The following MAML3 variants were observed in gnomAD, a reference collection of about 807,000 sequenced individuals.
MAML3 encodes mastermind-like protein 3.
Under a neutral mutation model 101.9 loss-of-function variants are expected in MAML3, and 27 were observed. That is an observed-to-expected ratio of 0.27 (90% CI 0.20 to 0.37). The LOEUF is 0.37. Ranked by LOEUF, MAML3 falls within the 10% of genes least tolerant of loss-of-function variation. The probability of loss-of-function intolerance (pLI) is 1.00; values close to 1 mark genes in which losing one functional copy is unlikely to be tolerated. For missense variants in MAML3, 1,316 were observed against 1,444.9 expected (o/e 0.91, Z 1.45); for synonymous variants, 501 against 555.9 (o/e 0.90, Z 1.39).
chr4:139,801,370 A>C (rs984498481), intron 2 of MAML3, among the ~76,000 whole-genome samples: 4 of 152,216 alleles, frequency 2.6e-5, no homozygotes, highest in African/African-American at 9.6e-5. Context: ...TTTGTTTTCT[A>C]AAACTGCCAA....
intron 2 of MAML3, among the ~76,000 whole-genome samples, chr4:139,809,284 T>C (rs1484595963): frequency 6.6e-6 from 1 of 152,194 alleles, no homozygotes; most frequent in Non-Finnish European, 1.5e-5. Flanking sequence ...AAGGGAAACA[T>C]TTTTAAATGG....
chr4:139,946,925 A>ACT (rs869076388), intron 1 of MAML3, among the ~76,000 whole-genome samples: 2,553 of 68,064 alleles, frequency 0.038, 24 homozygotes, highest in Middle Eastern at 0.048. Flanking sequence ...ACACACACAC[A>ACT]CTCTCTCTCT....
Position 139,889,888 on chromosome 4 carries a change from T to A in MAML3, c.1548A>T (p.Ser516=). Residue 516 remains serine, a synonymous_variant, in exon 2 of 5, where the codon TCA becomes TCT. Transcript: ENST00000509479. ...AGGGAGGTCCTAAGGGAGACCAATT[T>A]GAAGTCTGATTTGAGTGCTGTTGCT... ...QQQQQHSNQT[S]NWSPLGPPSS... 1 of 1,612,864 alleles carries A rather than the reference T, an allele frequency of 6.2e-7. No homozygotes were observed. The highest frequency in any genetic ancestry group is 8.5e-7 in the Non-Finnish European group (1 of 1,179,714).
chr4:139,921,187 A>T (rs1733124176), intron 1 of MAML3, among the ~76,000 whole-genome samples: 1 of 152,158 alleles, frequency 6.6e-6, no homozygotes, highest in Non-Finnish European at 1.5e-5. Flanking sequence ...ATCTGGAGCT[A>T]GCCTATCTAC....
At chr4:139,827,326 G>A (rs1284612169) in intron 2 of MAML3, among the ~76,000 whole-genome samples, 3 of 152,194 alleles carry the variant, frequency 2.0e-5, no homozygotes, top group Non-Finnish European at 4.4e-5. Flanking sequence ...TCTCAGCAAT[G>A]CCATTCACCA....
chr4:140,038,927 C>T lies in MAML3; in HGVS notation c.468+113933G>A, dbSNP rs867739162. Among the ~76,000 whole-genome samples, 7 of 151,990 alleles carry T rather than the reference C, an allele frequency of 4.6e-5. No homozygotes were observed. The South Asian group carries it at 1.5e-3, about 32-fold the overall frequency. On this transcript the variant is annotated intron_variant, in intron 1 of 4. Coordinates refer to ENST00000509479, the MANE Select transcript of MAML3 (RefSeq NM_018717.5). ...GGGCAGATCACGAGGTCAGGAGATCCGAGACCATCCTGGCTAACACGGGCT... is the reference window on the plus strand; with the variant it reads ...GGGCAGATCACGAGGTCAGGAGATCTGAGACCATCCTGGCTAACACGGGCT...
intron 1 of MAML3, among the ~76,000 whole-genome samples, chr4:139,973,812 G>T (rs1422736803): frequency 1.3e-5 from 2 of 152,122 alleles, no homozygotes; most frequent in Non-Finnish European, 2.9e-5. Flanking sequence ...CACTTGCTTT[G>T]ATAAATCTTG....
intron 1 of MAML3, among the ~76,000 whole-genome samples, chr4:140,109,649 T>A (rs559725411): frequency 1.3e-5 from 2 of 152,238 alleles, no homozygotes; most frequent in African/African-American, 4.8e-5. Flanking sequence ...CTAGAGCTTA[T>A]AACAGAAAGC....
intron 1 of MAML3, among the ~76,000 whole-genome samples, chr4:140,041,104 T>C (rs578208787): frequency 1.3e-5 from 2 of 152,248 alleles, no homozygotes; most frequent in South Asian, 2.1e-4. Context: ...TTCTTTTATA[T>C]AGATGGGAGT....
chr4:139,909,044 T>C, intron 1 of MAML3, among the ~76,000 whole-genome samples: 1 of 152,234 alleles, frequency 6.6e-6, no homozygotes, highest in East Asian at 1.9e-4. Context: ...TAGTGTTGTC[T>C]AGTAGTTAGA....
intron 3 of MAML3, among the ~76,000 whole-genome samples, chr4:139,729,156 C>A (rs887854094): frequency 4.5e-3 from 370 of 81,638 alleles, no homozygotes; most frequent in Non-Finnish European, 5.2e-3. Flanking sequence ...GGAACAAAAG[C>A]AAAAAAAAAA....
At chr4:139,826,220 A>C (rs756759190) in intron 2 of MAML3, among the ~76,000 whole-genome samples, 2 of 151,870 alleles carry the variant, frequency 1.3e-5, no homozygotes, top group Non-Finnish European at 2.9e-5. Flanking sequence ...CCACCTCAGC[A>C]TCCCAGGTCA....
intron 2 of MAML3, among the ~76,000 whole-genome samples, chr4:139,881,682 GAAGCACAGGA>G (rs1485807639): frequency 6.6e-6 from 1 of 152,192 alleles, no homozygotes; most frequent in Admixed American, 6.5e-5. Flanking sequence ...GACAAAGCAG[GAAGCACAGGA>G]AAGCTTAATT....
At chr4:140,057,598 A>G (rs1451851046) in intron 1 of MAML3, among the ~76,000 whole-genome samples, 1 of 152,196 alleles carries the variant, frequency 6.6e-6, no homozygotes, top group African/African-American at 2.4e-5. Context: ...ATATTCCTGT[A>G]TTCTTAAACA....
chr4:139,854,550 T>C (rs1024446066), intron 2 of MAML3, among the ~76,000 whole-genome samples: 1 of 150,128 alleles, frequency 6.7e-6, no homozygotes, highest in Non-Finnish European at 1.5e-5. Flanking sequence ...GTATCATCCA[T>C]AAAACCATCT....
chr4:139,985,592 A>G (rs1282659632), intron 1 of MAML3, among the ~76,000 whole-genome samples: 1 of 152,248 alleles, frequency 6.6e-6, no homozygotes, highest in African/African-American at 2.4e-5. Flanking sequence ...CCAGCTGTTT[A>G]TGTCATTTAG....
At chr4:139,781,158 A>G (rs1730197547) in intron 2 of MAML3, among the ~76,000 whole-genome samples, 2 of 152,132 alleles carry the variant, frequency 1.3e-5, no homozygotes, top group Admixed American at 1.3e-4. Context: ...TTTATTTACC[A>G]CCGTCAAAGG....
At chr4:140,004,233 C>G (rs771920865) in intron 1 of MAML3, among the ~76,000 whole-genome samples, 1 of 152,194 alleles carries the variant, frequency 6.6e-6, no homozygotes, top group South Asian at 2.1e-4. Context: ...TCTCAATATT[C>G]TCACCCCAGA....
chr4:140,021,869 C>CAA (rs1189977092), intron 1 of MAML3, among the ~76,000 whole-genome samples: 4 of 152,196 alleles, frequency 2.6e-5, no homozygotes, highest in African/African-American at 9.7e-5. Context: ...GCACTGTCAT[C>CAA]ATAATGAGAG....
Sources: allele counts gnomAD v4.1 joint callset (sites outside exome capture counted in the v4.1 genomes callset), GRCh38; gene constraint gnomAD v4.1.1; transcripts MANE v1.5; gene names NCBI Gene and HGNC (gene_info 2026-07-23, HGNC 2026-07-21).